ASCC1: variants seen among roughly 807,000 people sequenced by gnomAD.
ASCC1 encodes the protein activating signal cointegrator 1 complex subunit 1.
In ASCC1, 35 loss-of-function variants were observed where a neutral mutation model predicts 46.6. The ratio of observed to expected loss-of-function variants is 0.75; its 90% CI spans 0.57 to 0.99. The LOEUF (loss-of-function observed/expected upper bound fraction) is 0.99, where lower values mean the gene tolerates loss of function less well. Ranked by LOEUF, ASCC1 falls within the 50% of genes least tolerant of loss-of-function variation. The pLI, the probability that ASCC1 is intolerant of heterozygous loss-of-function variation, is 0.00. For missense variants in ASCC1, 376 were observed against 428.7 expected (o/e 0.88, Z 1.09); for synonymous variants, 143 against 146.6 (o/e 0.98, Z 0.18).
intron 5 of ASCC1, among the ~76,000 whole-genome samples, chr10:72,186,517 TA>T (rs1853471227): frequency 6.6e-6 from 1 of 152,170 alleles, no homozygotes; most frequent in Non-Finnish European, 1.5e-5. Context: ...AGTGAACAGG[TA>T]TTTGCTCTTC....
chr10:72,137,234 G>A (rs1846341406), intron 7 of ASCC1, among the ~76,000 whole-genome samples: 1 of 150,858 alleles, frequency 6.6e-6, no homozygotes, highest in Non-Finnish European at 1.5e-5. Context: ...CAGTTTTTAA[G>A]AAGCAAGAAA....
intron 9 of ASCC1, among the ~76,000 whole-genome samples, chr10:72,113,318 G>A (rs767987569): frequency 2.0e-5 from 3 of 152,174 alleles, no homozygotes; most frequent in Non-Finnish European, 4.4e-5. Context: ...ACACATGGAA[G>A]TATTCCAGTC....
chr10:72,171,035 A>T (rs1290514946), intron 5 of ASCC1, among the ~76,000 whole-genome samples: 1 of 152,172 alleles, frequency 6.6e-6, no homozygotes, highest in Non-Finnish European at 1.5e-5. Context: ...TGTGCAACTC[A>T]CTCTAAAGCA....
intron 5 of ASCC1, among the ~76,000 whole-genome samples, chr10:72,171,008 G>A (rs552803033): frequency 5.3e-5 from 8 of 152,184 alleles, no homozygotes; most frequent in African/African-American, 1.9e-4. Flanking sequence ...AATATTTAGG[G>A]TTAAAGGGCT....
At chr10:72,179,141 C>T (rs1738367692) in intron 5 of ASCC1, among the ~76,000 whole-genome samples, 1 of 152,080 alleles carries the variant, frequency 6.6e-6, no homozygotes, top group Admixed American at 6.6e-5. Flanking sequence ...TTTCCTGAGA[C>T]AGGATCTTGC....
intron 9 of ASCC1, among the ~76,000 whole-genome samples, chr10:72,101,654 T>G (rs780612760): frequency 3.9e-5 from 6 of 152,132 alleles, no homozygotes; most frequent in Non-Finnish European, 5.9e-5. Flanking sequence ...TACTTCATCC[T>G]ACATGGTGGG....
chr10:72,196,262 C>A (rs1289173917), intron 5 of ASCC1, among the ~76,000 whole-genome samples: 1 of 151,316 alleles, frequency 6.6e-6, no homozygotes, highest in African/African-American at 2.4e-5. Flanking sequence ...TTAGGATGAG[C>A]CATTTGTGTC....
At chr10:72,191,715 C>T (rs1854534563) in intron 5 of ASCC1, among the ~76,000 whole-genome samples, 1 of 151,910 alleles carries the variant, frequency 6.6e-6, no homozygotes, top group Admixed American at 6.6e-5. Context: ...GGCGTGATCT[C>T]GGCTCACTGC....
At chr10:72,196,310 ACT>A (rs1206774202) in intron 5 of ASCC1, among the ~76,000 whole-genome samples, 1 of 142,668 alleles carries the variant, frequency 7.0e-6, no homozygotes, top group Non-Finnish European at 1.5e-5. Context: ...ACAGCATCTC[ACT>A]CTGTCTCCCA....
At chr10:72,108,504 T>C (rs1842602963) in intron 9 of ASCC1, among the ~76,000 whole-genome samples, 1 of 152,236 alleles carries the variant, frequency 6.6e-6, no homozygotes. Flanking sequence ...TAAATTTGTT[T>C]TCTGCCTATA....
intron 9 of ASCC1, among the ~76,000 whole-genome samples, chr10:72,126,385 G>A (rs574995612): frequency 2.6e-5 from 4 of 152,164 alleles, no homozygotes; most frequent in Non-Finnish European, 5.9e-5. Flanking sequence ...AACACCAGAG[G>A]GAGCTACATT....
intron 3 of ASCC1, among the ~76,000 whole-genome samples, chr10:72,207,083 A>G (rs6480599): frequency 0.14 from 21,535 of 152,198 alleles, 4,348 homozygotes; most frequent in African/African-American, 0.45. Flanking sequence ...TAAAAGTATA[A>G]CTGGACAGAA....
intron 7 of ASCC1, among the ~76,000 whole-genome samples, chr10:72,138,687 T>C (rs943122963): frequency 6.7e-5 from 9 of 134,556 alleles, no homozygotes; most frequent in African/African-American, 8.4e-5. Flanking sequence ...CACTGCAACC[T>C]CCATCTCCCG....
chr10:72,178,096 GCTGA>G (rs1366733032), intron 5 of ASCC1, among the ~76,000 whole-genome samples: 1 of 152,190 alleles, frequency 6.6e-6, no homozygotes, highest in African/African-American at 2.4e-5. Context: ...GGAAAAAGAG[GCTGA>G]CTGTTTTAAA....
intron 5 of ASCC1, among the ~76,000 whole-genome samples, chr10:72,187,100 A>G (rs1449000201): frequency 6.6e-6 from 1 of 152,088 alleles, no homozygotes; most frequent in Non-Finnish European, 1.5e-5. Flanking sequence ...CTACTCCCCA[A>G]AACAGTACTG....
intron 9 of ASCC1, among the ~76,000 whole-genome samples, chr10:72,099,193 T>G (rs967421057): frequency 6.6e-6 from 1 of 152,334 alleles, no homozygotes. Context: ...AAGCTGCAAG[T>G]GACCGACCCA....
At chr10:72,176,510 A>AT (rs1205280708) in intron 5 of ASCC1, among the ~76,000 whole-genome samples, 2 of 151,500 alleles carry the variant, frequency 1.3e-5, no homozygotes, top group Non-Finnish European at 2.9e-5. Flanking sequence ...TGCCTGGCTA[A>AT]TTTTTTTTAT....
At chr10:72,149,136 T>TA (rs1321782794) in intron 7 of ASCC1, among the ~76,000 whole-genome samples, 8 of 151,406 alleles carry the variant, frequency 5.3e-5, no homozygotes, top group African/African-American at 1.7e-4. Flanking sequence ...TACTTTTCAG[T>TA]TAAAAAAAAA....
At chr10:72,198,704 C>T in intron 4 of ASCC1, 1 of 455,984 alleles carries the variant, frequency 2.2e-6, no homozygotes, top group Non-Finnish European at 4.4e-6. Context: ...TAAATCAGAG[C>T]AAATATCACA....
Sources: gnomAD v4.1 joint callset for allele counts (sites outside exome capture counted in the v4.1 genomes callset) on GRCh38, gnomAD v4.1.1 for gene constraint, MANE v1.5 for transcripts, NCBI Gene and HGNC (gene_info 2026-07-23, HGNC 2026-07-21) for gene names.